Variants in EYS observed in about 807,000 individuals in gnomAD.
EYS encodes EGF-like photoreceptor maintenance factor, also known as protein eyes shut homolog.
In EYS, 250 loss-of-function variants were observed where a neutral mutation model predicts 282.1. The observed-to-expected ratio is 0.89, with a 90% confidence interval of 0.80 to 0.98. EYS has a LOEUF of 0.98. Among genes scored for constraint, EYS ranks in the 50% least tolerant of loss-of-function variants. The pLI is 0.00. For missense variants in EYS, 4,016 were observed against 3,709.0 expected (o/e 1.08, Z -2.15); for synonymous variants, 1,355 against 1,282.9 (o/e 1.06, Z -1.20).
intron 11 of EYS, among the ~76,000 whole-genome samples, chr6:65,318,053 G>A (rs1433886507): frequency 2.0e-5 from 3 of 151,250 alleles, no homozygotes; most frequent in Middle Eastern, 3.4e-3. Context: ...ATTTTCAGTA[G>A]AGACGGGATT....
intron 29 of EYS, among the ~76,000 whole-genome samples, chr6:64,307,991 C>G (rs893258085): frequency 6.6e-6 from 1 of 151,946 alleles, no homozygotes; most frequent in Non-Finnish European, 1.5e-5. Flanking sequence ...TACATAATTA[C>G]AGTAAATTAT....
chr6:65,445,784 T>C (rs1020352813), intron 5 of EYS, among the ~76,000 whole-genome samples: 1 of 151,844 alleles, frequency 6.6e-6, no homozygotes, highest in Non-Finnish European at 1.5e-5. Context: ...TTCTACTTTA[T>C]TGATGTTCTC....
chr6:64,596,655 T>C (rs1055151372), intron 24 of EYS, among the ~76,000 whole-genome samples: 5 of 152,184 alleles, frequency 3.3e-5, no homozygotes, highest in East Asian at 1.9e-4. Flanking sequence ...TGGATACTCA[T>C]ATGAAGAAAA....
intron 5 of EYS, among the ~76,000 whole-genome samples, chr6:65,448,604 T>C (rs571659912): frequency 2.0e-5 from 3 of 152,160 alleles, no homozygotes; most frequent in South Asian, 4.1e-4. Flanking sequence ...GGATATTTTG[T>C]TCATTGGCAC....
intron 33 of EYS, among the ~76,000 whole-genome samples, chr6:64,003,877 C>T (rs1768212809): frequency 6.6e-6 from 1 of 152,186 alleles, no homozygotes; most frequent in South Asian, 2.1e-4. Context: ...TTCACTTCTC[C>T]TTCCTGCCAT....
At chr6:64,241,625 A>C (rs1424956132) in intron 30 of EYS, among the ~76,000 whole-genome samples, 1 of 151,672 alleles carries the variant, frequency 6.6e-6, no homozygotes, top group Non-Finnish European at 1.5e-5. Context: ...CAAAAAAAAC[A>C]GCTCCTGGAT....
intron 31 of EYS, among the ~76,000 whole-genome samples, chr6:64,172,861 A>G (rs1764522822): frequency 6.6e-6 from 1 of 152,182 alleles, no homozygotes. Context: ...TCCTTATAAG[A>G]ATCTAATGCC....
At chr6:64,237,841 T>C (rs1582467895) in intron 30 of EYS, among the ~76,000 whole-genome samples, 1 of 152,156 alleles carries the variant, frequency 6.6e-6, no homozygotes, top group African/African-American at 2.4e-5. Flanking sequence ...TATATAATTG[T>C]CATTATATTA....
At chr6:65,625,670 TTTGAG>T (rs758363591) in intron 2 of EYS, among the ~76,000 whole-genome samples, 51 of 152,266 alleles carry the variant, frequency 3.3e-4, no homozygotes, top group African/African-American at 9.4e-4. Flanking sequence ...ATTTAACGAG[TTTGAG>T]TTAAGTTTCT....
chr6:64,018,181 G>T (rs1282294994), intron 33 of EYS, among the ~76,000 whole-genome samples: 1 of 152,030 alleles, frequency 6.6e-6, no homozygotes, highest in Non-Finnish European at 1.5e-5. Flanking sequence ...CTGAATTCAG[G>T]AGTCAAGATA....
chr6:65,485,246 A>G (rs1246366045), intron 5 of EYS, among the ~76,000 whole-genome samples: 1 of 152,244 alleles, frequency 6.6e-6, no homozygotes, highest in Non-Finnish European at 1.5e-5. Flanking sequence ...GAATGCATAC[A>G]TTAATTGAGC....
At chr6:63,951,869 C>T (rs1458032641) in intron 35 of EYS, among the ~76,000 whole-genome samples, 2 of 152,094 alleles carry the variant, frequency 1.3e-5, no homozygotes, top group Admixed American at 6.5e-5. Flanking sequence ...TTGGTAGCAA[C>T]CCTGAGATGC....
intron 37 of EYS, among the ~76,000 whole-genome samples, chr6:63,803,542 T>C (rs553389986): frequency 6.6e-6 from 1 of 152,178 alleles, no homozygotes; most frequent in African/African-American, 2.4e-5. Flanking sequence ...AAAGGGGAAT[T>C]GATGGAAGAG....
intron 26 of EYS, among the ~76,000 whole-genome samples, chr6:64,446,549 G>A (rs565693597): frequency 3.0e-4 from 40 of 135,004 alleles, no homozygotes; most frequent in South Asian, 2.7e-3. Flanking sequence ...TTAGCTTGGG[G>A]CATTTTTCAT....
At chr6:64,027,707 C>T (rs534938089) in intron 33 of EYS, among the ~76,000 whole-genome samples, 1 of 152,182 alleles carries the variant, frequency 6.6e-6, no homozygotes, top group African/African-American at 2.4e-5. Flanking sequence ...AAGCTGCCCC[C>T]CATCTATGTC....
intron 31 of EYS, among the ~76,000 whole-genome samples, chr6:64,145,117 C>G (rs1423435873): frequency 6.6e-6 from 1 of 152,104 alleles, no homozygotes; most frequent in Non-Finnish European, 1.5e-5. Flanking sequence ...GAATAAGAAG[C>G]ATGATTATTT....
At chr6:64,834,235 T>G (rs1765312826) in intron 19 of EYS, among the ~76,000 whole-genome samples, 1 of 151,828 alleles carries the variant, frequency 6.6e-6, no homozygotes, top group Admixed American at 6.6e-5. Flanking sequence ...TTTGGAGGTA[T>G]TCTTTAATTT....
At chr6:64,412,910 T>C (rs951201956) in intron 28 of EYS, 5 of 151,096 alleles carry the variant, frequency 3.3e-5, no homozygotes, top group African/African-American at 1.2e-4. Context: ...TAAAAAAAAA[T>C]AGAGACAAAA....
Position 64,840,047 on chromosome 6 carries a change from G to A in EYS, c.2993-17225C>T, listed in dbSNP as rs571787578. Among the ~76,000 whole-genome samples the A allele has an allele frequency of 7.0e-4, 106 of 152,114 alleles. 2 individuals carry two copies. In the South Asian group the frequency reaches 0.016, roughly 22 times the overall value. ...AGTAGGGCACTTTAATTTTACTCAC[G>A]TGATGTGTAGCACTACATAGTTGTG... is the stretch of plus-strand genomic sequence containing the variant. On this transcript the variant is annotated intron_variant, in intron 19 of 42. Coordinates refer to ENST00000503581, the MANE Select transcript of EYS (RefSeq NM_001142800.2).
Sources: gnomAD v4.1 joint callset for allele counts (sites outside exome capture counted in the v4.1 genomes callset) on GRCh38, gnomAD v4.1.1 for gene constraint, MANE v1.5 for transcripts, NCBI Gene and HGNC (gene_info 2026-07-23, HGNC 2026-07-21) for gene names.